Variants in NRXN3 observed in about 807,000 individuals in gnomAD.
The protein encoded by NRXN3 is neurexin 3, also known as neurexin III.
A neutral mutation model predicts 137.6 loss-of-function variants in NRXN3; 32 were observed. That is an observed-to-expected ratio of 0.23 (90% CI 0.18 to 0.31). The LOEUF (loss-of-function observed/expected upper bound fraction) is 0.31, where lower values mean the gene tolerates loss of function less well. NRXN3 is among the 10% of genes least tolerant of loss of function. The probability of loss-of-function intolerance (pLI) is 1.00; values close to 1 mark genes in which losing one functional copy is unlikely to be tolerated. For missense variants in NRXN3, 1,574 were observed against 2,062.5 expected (o/e 0.76, Z 4.59); for synonymous variants, 798 against 784.5 (o/e 1.02, Z -0.29).
Position 79,523,896 on chromosome 14 carries a change from C to T in NRXN3, c.3444+56494C>T, listed in dbSNP as rs770659382. ...TTTAAAGTGGAAGACCCTTCCACTA[C>T]GGTGGTGTCATTTGAACTCAAGTGT... is the stretch of plus-strand genomic sequence containing the variant. On this transcript the variant is annotated intron_variant, in intron 16 of 20. Coordinates refer to ENST00000335750, the MANE Select transcript of NRXN3 (RefSeq NM_001330195.2). 3.0e-4 allele frequency among the ~76,000 whole-genome samples: 46 copies of T among 152,140 alleles called. 1 individual carries two copies. The highest frequency in any genetic ancestry group is 6.2e-4 in the South Asian group (3 of 4,822).
intron 15 of NRXN3, chr14:79,280,235 T>C: frequency 6.2e-7 from 1 of 1,603,464 alleles, no homozygotes; most frequent in Non-Finnish European, 8.5e-7. Context: ...TGAACTTCAT[T>C]ACTCCTCACT....
At chr14:79,842,167 G>C (rs1054907324) in intron 20 of NRXN3, among the ~76,000 whole-genome samples, 31 of 152,218 alleles carry the variant, frequency 2.0e-4, no homozygotes, top group African/African-American at 7.5e-4. Context: ...TGCGGACAAA[G>C]ACAAAGTCTC....
At chr14:78,745,829 A>G (rs2098604633) in intron 8 of NRXN3, among the ~76,000 whole-genome samples, 1 of 152,190 alleles carries the variant, frequency 6.6e-6, no homozygotes. Context: ...AACAGGAATT[A>G]TTAGGCCCAG....
intron 2 of NRXN3, among the ~76,000 whole-genome samples, chr14:78,256,791 G>C (rs2069697450): frequency 6.6e-6 from 1 of 152,198 alleles, no homozygotes; most frequent in Admixed American, 6.5e-5. Flanking sequence ...TCTGTTATGA[G>C]AGCGTAGTAA....
intron 6 of NRXN3, among the ~76,000 whole-genome samples, chr14:78,669,687 G>T (rs1451474709): frequency 1.3e-5 from 2 of 151,946 alleles, no homozygotes; most frequent in African/African-American, 4.8e-5. Context: ...GAAAGGGAGG[G>T]CGATTCCTGG....
intron 16 of NRXN3, among the ~76,000 whole-genome samples, chr14:79,533,531 T>TA (rs950682146): frequency 2.0e-5 from 3 of 152,270 alleles, no homozygotes; most frequent in East Asian, 1.9e-4. Flanking sequence ...TGTTATCTCC[T>TA]AAAAAACATC....
At chr14:79,798,980 A>G (rs1488549588) in intron 19 of NRXN3, among the ~76,000 whole-genome samples, 1 of 152,218 alleles carries the variant, frequency 6.6e-6, no homozygotes, top group Non-Finnish European at 1.5e-5. Context: ...ATTGGAAGGT[A>G]AATATACCCA....
At chr14:78,737,512 G>A (rs2098546290) in intron 8 of NRXN3, among the ~76,000 whole-genome samples, 1 of 152,040 alleles carries the variant, frequency 6.6e-6, no homozygotes. Flanking sequence ...GATGTAGTAG[G>A]CTCTTGACCC....
chr14:78,204,524 T>G (rs1011983867), intron 1 of NRXN3, among the ~76,000 whole-genome samples: 2 of 152,236 alleles, frequency 1.3e-5, no homozygotes, highest in African/African-American at 4.8e-5. Context: ...TGAAATATCT[T>G]AAGTTCTTTG....
At chr14:78,292,012 C>A (rs2075854832) in intron 3 of NRXN3, among the ~76,000 whole-genome samples, 1 of 152,118 alleles carries the variant, frequency 6.6e-6, no homozygotes. Flanking sequence ...GATTTGAAAA[C>A]CATCTGAGGT....
At chr14:79,425,645 C>A (rs898326706) in intron 15 of NRXN3, among the ~76,000 whole-genome samples, 1 of 152,094 alleles carries the variant, frequency 6.6e-6, no homozygotes, top group Non-Finnish European at 1.5e-5. Context: ...AACAGCCTCC[C>A]AGCTAATAAA....
intron 4 of NRXN3, among the ~76,000 whole-genome samples, chr14:78,496,080 AC>A (rs2095778769): frequency 6.6e-6 from 1 of 152,222 alleles, no homozygotes; most frequent in Non-Finnish European, 1.5e-5. Context: ...GGGACAAGAT[AC>A]TAATACAATT....
intron 4 of NRXN3, among the ~76,000 whole-genome samples, chr14:78,298,716 A>G (rs1453181720): frequency 1.3e-5 from 2 of 152,210 alleles, no homozygotes; most frequent in African/African-American, 2.4e-5. Context: ...TGATTGCAAG[A>G]TTGGTCTACC....
chr14:78,939,470 C>T (rs75116475), intron 10 of NRXN3, among the ~76,000 whole-genome samples: 2 of 152,166 alleles, frequency 1.3e-5, no homozygotes, highest in African/African-American at 4.8e-5. Flanking sequence ...GTCTTCCCTG[C>T]TGATGAAGTA....
chr14:78,328,383 G>A (rs2080362841), intron 4 of NRXN3, among the ~76,000 whole-genome samples: 1 of 152,092 alleles, frequency 6.6e-6, no homozygotes, highest in Admixed American at 6.6e-5. Flanking sequence ...CATGTTCCCT[G>A]GGGTGGAAGA....
At chr14:79,286,561 G>GTA (rs2082296219) in intron 15 of NRXN3, among the ~76,000 whole-genome samples, 1 of 130,028 alleles carries the variant, frequency 7.7e-6, no homozygotes, top group South Asian at 2.8e-4. Flanking sequence ...TATATATATA[G>GTA]TGTATATATA....
rs187438881 is a variant in NRXN3 at position 79,359,660 on chromosome 14, T to A, written c.3263-107561T>A. Among the ~76,000 whole-genome samples, 146 of 150,656 alleles carry A rather than the reference T, an allele frequency of 9.7e-4. 1 individual carries two copies. Among genetic ancestry groups the A allele is most frequent in the African/African-American group, 3.4e-3 (138 of 40,946 alleles). On this transcript the variant is annotated intron_variant, in intron 15 of 20. Transcript: ENST00000335750. ...ATCTTGGCTCACTGCAACCTCTTCC[T>A]CCAAGGTTCAAGTGATTCTCCTGCC...
chr14:78,645,927 A>G (rs998524255), intron 5 of NRXN3, among the ~76,000 whole-genome samples: 1 of 151,948 alleles, frequency 6.6e-6, no homozygotes, highest in Non-Finnish European at 1.5e-5. Context: ...CCCTTTCCCA[A>G]CTATTTTTTT....
At chr14:79,753,195 T>C (rs1203699198) in intron 19 of NRXN3, among the ~76,000 whole-genome samples, 1 of 151,994 alleles carries the variant, frequency 6.6e-6, no homozygotes, top group African/African-American at 2.4e-5. Context: ...AGAAATACCA[T>C]TTGACCCAGC....
Sources: allele counts gnomAD v4.1 joint callset (sites outside exome capture counted in the v4.1 genomes callset), GRCh38; gene constraint gnomAD v4.1.1; transcripts MANE v1.5; gene names NCBI Gene and HGNC (gene_info 2026-07-23, HGNC 2026-07-21).